NRG2: variants seen among roughly 807,000 people sequenced by gnomAD.
NRG2 encodes the protein pro-neuregulin-2, membrane-bound isoform.
A neutral mutation model predicts 73.9 loss-of-function variants in NRG2; 27 were observed. That is an observed-to-expected ratio of 0.37 (90% CI 0.27 to 0.50). The LOEUF (loss-of-function observed/expected upper bound fraction) is 0.50, where lower values mean the gene tolerates loss of function less well. Among genes scored for constraint, NRG2 ranks in the 20% least tolerant of loss-of-function variants. The pLI is 0.96. For synonymous variants in NRG2, 532 were observed against 541.0 expected, an observed-to-expected ratio of 0.98 and a Z score of 0.23; for missense variants, 1,126 against 1,210.1, an observed-to-expected ratio of 0.93 and a Z score of 1.03.
intron 1 of NRG2, among the ~76,000 whole-genome samples, chr5:139,984,583 C>A (rs896487861): frequency 6.6e-6 from 1 of 152,070 alleles, no homozygotes; most frequent in African/African-American, 2.4e-5. Flanking sequence ...TTCCTTTTTT[C>A]ACATATTTCT....
chr5:140,019,638 T>A (rs1346699716), intron 1 of NRG2: 1 of 152,208 alleles, frequency 6.6e-6, no homozygotes, highest in Non-Finnish European at 1.5e-5. Context: ...AGCTCCATTA[T>A]AACTCCTGTG....
chr5:140,011,591 T>G (rs868261603), intron 1 of NRG2, among the ~76,000 whole-genome samples: 3 of 152,096 alleles, frequency 2.0e-5, no homozygotes, highest in Non-Finnish European at 4.4e-5. Flanking sequence ...TGCCCTACAG[T>G]GAGATCCATG....
At position 140,028,990 on chromosome 5, in the gene NRG2, G is replaced by A. The variant is rs116955682; in HGVS notation, c.700+13380C>T. ...ACACTCCCAGATGAAATTCCAGCCA[G>A]AATTATATGCTTGACATGTCAGAGA... On this transcript the variant is annotated intron_variant, in intron 1 of 9. Coordinates refer to ENST00000361474, the MANE Select transcript of NRG2 (RefSeq NM_004883.3). Among the ~76,000 whole-genome samples the A allele has an allele frequency of 9.1e-4, 139 of 152,264 alleles. 1 individual carries two copies. The East Asian group carries it at 0.025, about 27-fold the overall frequency.
At chr5:139,861,276 G>C (rs566786231) in intron 5 of NRG2, among the ~76,000 whole-genome samples, 82 of 152,348 alleles carry the variant, frequency 5.4e-4, no homozygotes, top group Admixed American at 1.5e-3. Context: ...ACTAGATCCA[G>C]GGAAGGTGTG....
At chr5:139,897,492 G>C (rs987875471) in intron 1 of NRG2, among the ~76,000 whole-genome samples, 1 of 152,080 alleles carries the variant, frequency 6.6e-6, no homozygotes, top group Non-Finnish European at 1.5e-5. Context: ...CGCTCTTCTC[G>C]GGGCTTCTCA....
chr5:139,870,139 G>C lies in NRG2; in HGVS notation c.1112+1582C>G, dbSNP rs116027084. On this transcript the variant is annotated intron_variant, in intron 4 of 9. Transcript: ENST00000361474. The surrounding 1 kb of genome is among the most constrained non-coding windows in gnomAD (Gnocchi z 4.4). The stretch of plus-strand genomic sequence containing the variant: ...CTGTGAGGTATTCCAGGACCCTGAT[G>C]AATTTCTAGTAGATCTGTTCCAAAG... Among the ~76,000 whole-genome samples the C allele has an allele frequency of 4.9e-3, 751 of 152,292 alleles. 8 individuals are homozygous for C. The highest frequency in any genetic ancestry group is 0.017 in the African/African-American group (724 of 41,540).
intron 1 of NRG2, among the ~76,000 whole-genome samples, chr5:139,926,828 C>T (rs1332916940): frequency 6.6e-6 from 1 of 152,206 alleles, no homozygotes; most frequent in African/African-American, 2.4e-5. Context: ...AACCCCTACT[C>T]CCTCCATGGA....
At chr5:139,860,249 AAGTGGG>A (rs966601209) in intron 5 of NRG2, among the ~76,000 whole-genome samples, 5 of 152,142 alleles carry the variant, frequency 3.3e-5, no homozygotes, top group Non-Finnish European at 5.9e-5. Context: ...GAGGAAAGGT[AAGTGGG>A]GGTGGGGGTC....
intron 1 of NRG2, among the ~76,000 whole-genome samples, chr5:139,916,611 C>T (rs920016546): frequency 2.6e-4 from 40 of 152,184 alleles, no homozygotes; most frequent in South Asian, 2.1e-4. Context: ...ACAGATTTGC[C>T]TGTTCTGGAA....
chr5:140,020,830 C>T (rs1473866110), intron 1 of NRG2, among the ~76,000 whole-genome samples: 1 of 152,186 alleles, frequency 6.6e-6, no homozygotes, highest in Non-Finnish European at 1.5e-5. Flanking sequence ...ATCCTCTATG[C>T]CATCATTTAT....
intron 3 of NRG2, among the ~76,000 whole-genome samples, chr5:139,874,032 G>T (rs1251807128): frequency 1.3e-5 from 2 of 151,706 alleles, no homozygotes; most frequent in African/African-American, 2.4e-5. Flanking sequence ...GAGTGACCAC[G>T]GGTGTTTCCA....
chr5:139,972,747 C>G (rs756244825), intron 1 of NRG2, among the ~76,000 whole-genome samples: 1 of 151,944 alleles, frequency 6.6e-6, no homozygotes, highest in African/African-American at 2.4e-5. Context: ...CACAAAACTA[C>G]TAAAGGCAAA....
intron 1 of NRG2, among the ~76,000 whole-genome samples, chr5:139,911,662 A>G (rs1276588540): frequency 6.6e-6 from 1 of 152,158 alleles, no homozygotes; most frequent in Admixed American, 6.5e-5. Context: ...AAATAGCCCC[A>G]TCTGCAGGGA....
chr5:139,982,827 A>G (rs1341788376), intron 1 of NRG2, among the ~76,000 whole-genome samples: 2 of 152,176 alleles, frequency 1.3e-5, no homozygotes, highest in African/African-American at 4.8e-5. Flanking sequence ...GCTGAGGAGT[A>G]GTCTTGCCCA....
At position 140,042,842 on chromosome 5, in the gene NRG2, G is replaced by A. The variant is rs1203799658; in HGVS notation, c.228C>T (p.Pro76=). 1.4e-6 allele frequency: 2 copies of A among 1,477,444 alleles called. No individual in the cohort carries two copies. Among genetic ancestry groups the A allele is most frequent in the Admixed American group, 4.4e-5 (2 of 44,978 alleles). The allele number at this position is 1,477,444 out of a possible 1,614,324, so 91.5% of individuals were successfully genotyped here. The change falls in exon 1 of 10, where the codon CCC becomes CCT. Residue 76 remains proline, a synonymous_variant. Transcript: ENST00000361474. ...RPQQQPQPRS[P]AARRAAARSR... ...AACGGGCGGCGGCTCTCCGGGCTGC[G>A]GGGCTGCGGGGCTGCGGCTGTTGCT...
At chr5:140,030,388 G>A (rs1466785730) in intron 1 of NRG2, among the ~76,000 whole-genome samples, 2 of 152,098 alleles carry the variant, frequency 1.3e-5, no homozygotes, top group African/African-American at 4.8e-5. Context: ...TTTTACCTCT[G>A]TACGACAAGC....
At chr5:139,931,787 G>A (rs1752484237) in intron 1 of NRG2, among the ~76,000 whole-genome samples, 1 of 152,204 alleles carries the variant, frequency 6.6e-6, no homozygotes, top group South Asian at 2.1e-4. Context: ...GAGGATTTAA[G>A]ATGGCAGAAG....
intron 3 of NRG2, among the ~76,000 whole-genome samples, chr5:139,875,991 T>G (rs1276663887): frequency 6.6e-6 from 1 of 152,094 alleles, no homozygotes; most frequent in East Asian, 1.9e-4. Flanking sequence ...CCTAGGTGTA[T>G]CCCCAAGAGA....
chr5:139,865,684 G>A lies in NRG2; in HGVS notation c.1113-59C>T, dbSNP rs1762431462. 7.0e-5 allele frequency: 101 copies of A among 1,451,028 alleles called. No homozygotes were observed. The South Asian group carries it at 1.1e-3, about 16-fold the overall frequency. 89.9% of individuals were successfully genotyped at this position (1,451,028 alleles called of 1,614,324 possible). A position where few individuals can be genotyped will look rare whatever the true frequency, so the allele number is the denominator to read the frequency against. On this transcript the variant is annotated intron_variant, in intron 4 of 9. Transcript: ENST00000361474. The surrounding 1 kb of genome is among the most constrained non-coding windows in gnomAD (Gnocchi z 5.2). ...AACTGGCATCATCCGCGAGGCTAAG[G>A]TTAGAAATCAAAGTGCACAGTGATG...
Sources: gnomAD v4.1 joint callset for allele counts (sites outside exome capture counted in the v4.1 genomes callset) on GRCh38, gnomAD v4.1.1 for gene constraint, Gnocchi (gnomAD v3.1) non-coding constraint, MANE v1.5 for transcripts, NCBI Gene and HGNC (gene_info 2026-07-23, HGNC 2026-07-21) for gene names.